The following TMPRSS11F variants were observed in gnomAD, a reference collection of about 807,000 sequenced individuals.
TMPRSS11F encodes transmembrane serine protease 11F.
A neutral mutation model predicts 60.2 loss-of-function variants in TMPRSS11F; 47 were observed. The ratio of observed to expected loss-of-function variants is 0.78; its 90% CI spans 0.62 to 1.00. The LOEUF (loss-of-function observed/expected upper bound fraction) is 1.00, where lower values mean the gene tolerates loss of function less well. Ranked by LOEUF, TMPRSS11F falls within the 50% of genes least tolerant of loss-of-function variation. TMPRSS11F has a pLI of 0.00. For synonymous variants in TMPRSS11F, 166 were observed against 167.3 expected (o/e 0.99, Z 0.06); for missense variants, 519 against 522.9 (o/e 0.99, Z 0.07).
At chr4:68,124,230 A>C (rs949839420) in intron 1 of TMPRSS11F, among the ~76,000 whole-genome samples, 6 of 151,888 alleles carry the variant, frequency 4.0e-5, no homozygotes, top group Admixed American at 6.6e-5. Flanking sequence ...TAAAAAAAAA[A>C]AAAAACAAAC....
chr4:68,093,655 A>G (rs1371993892), intron 2 of TMPRSS11F, among the ~76,000 whole-genome samples: 2 of 152,008 alleles, frequency 1.3e-5, no homozygotes, highest in Non-Finnish European at 2.9e-5. Flanking sequence ...CTCGTCTGAC[A>G]AAGGGCTAAT....
At chr4:68,113,241 C>T (rs971028738) in intron 1 of TMPRSS11F, among the ~76,000 whole-genome samples, 1 of 152,104 alleles carries the variant, frequency 6.6e-6, no homozygotes, top group East Asian at 1.9e-4. Context: ...GGAGAAAAGG[C>T]TATTCTTGTA....
chr4:68,099,149 G>A, intron 1 of TMPRSS11F, 111 bp from the exon 2 acceptor site: 2 of 899,962 alleles, frequency 2.2e-6, no homozygotes, highest in Non-Finnish European at 3.3e-6. Flanking sequence ...ATAACAGTGA[G>A]CAACTTAGAC....
intron 7 of TMPRSS11F, among the ~76,000 whole-genome samples, chr4:68,067,417 A>C (rs1020882340): frequency 6.6e-6 from 1 of 152,240 alleles, no homozygotes; most frequent in Admixed American, 6.5e-5. Flanking sequence ...GACCTGCTGA[A>C]ACAAGTATTT....
In TMPRSS11F at chr4:68,088,525, G is replaced by A. The variant is rs57762884; in HGVS notation, c.282+1998C>T. 9.0e-3 allele frequency among the ~76,000 whole-genome samples: 1,371 copies of A among 151,928 alleles called. 26 individuals are homozygous for A. The highest frequency in any genetic ancestry group is 0.031 in the African/African-American group (1,303 of 41,374). On this transcript the variant is annotated intron_variant, in intron 3 of 9. Coordinates refer to ENST00000356291, the MANE Select transcript of TMPRSS11F (RefSeq NM_207407.2). ...CAAGGATACCCAGGAATTGAACTCA[G>A]CTCTGCACCAAGCGGACCTAACAGA...
rs566858219 is a variant in TMPRSS11F at position 68,078,551 on chromosome 4, G to T, written c.283-4542C>A. Among the ~76,000 whole-genome samples, 14 of 152,270 alleles carry T rather than the reference G, an allele frequency of 9.2e-5. 1 individual carries two copies. Among genetic ancestry groups the T allele is most frequent in the African/African-American group, 3.1e-4 (13 of 41,550 alleles). ...ATATCCAATGTTCCACACATTGTCT[G>T]GCCCACAGTAAACACACAAGCCATG... On this transcript the variant is annotated intron_variant, in intron 3 of 9. Coordinates refer to ENST00000356291, the MANE Select transcript of TMPRSS11F (RefSeq NM_207407.2).
intron 1 of TMPRSS11F, among the ~76,000 whole-genome samples, chr4:68,119,228 A>G (rs1311506217): frequency 6.6e-6 from 1 of 152,030 alleles, no homozygotes; most frequent in African/African-American, 2.4e-5. Flanking sequence ...GAGGTGAGGA[A>G]GCTGCACAGA....
At chr4:68,081,328 T>C (rs1165027462) in intron 3 of TMPRSS11F, among the ~76,000 whole-genome samples, 2 of 152,242 alleles carry the variant, frequency 1.3e-5, no homozygotes, top group Non-Finnish European at 2.9e-5. Context: ...TATTATCTTT[T>C]TGGATTGTCC....
chr4:68,081,793 C>A (rs192033905), intron 3 of TMPRSS11F, among the ~76,000 whole-genome samples: 2 of 152,202 alleles, frequency 1.3e-5, no homozygotes, highest in East Asian at 1.9e-4. Context: ...ACACGTATGG[C>A]TTTCATATGG....
At chr4:68,076,392 C>T (rs376654129) in intron 3 of TMPRSS11F, among the ~76,000 whole-genome samples, 2 of 152,196 alleles carry the variant, frequency 1.3e-5, no homozygotes, top group Non-Finnish European at 2.9e-5. Context: ...GTCAAAACAT[C>T]CCCAACAGAG....
At chr4:68,065,693 A>G (rs529161027) in intron 7 of TMPRSS11F, among the ~76,000 whole-genome samples, 1 of 152,214 alleles carries the variant, frequency 6.6e-6, no homozygotes, top group East Asian at 1.9e-4. Context: ...GTGACTGGAA[A>G]TATATAGTAA....
chr4:68,114,314 T>C (rs1039622603), intron 1 of TMPRSS11F, among the ~76,000 whole-genome samples: 9 of 151,848 alleles, frequency 5.9e-5, no homozygotes, highest in African/African-American at 2.2e-4. Context: ...CAGTTCATTA[T>C]AAAGATATAT....
In TMPRSS11F at chr4:68,053,675, T is replaced by C. The variant is rs1722985018; in HGVS notation, c.*234A>G. ...AGGAAGTATCACAAGCAGTTTCCCT[T>C]GTGAGTAAGGAATAGGTGCTGTCTG... On this transcript the variant is annotated 3_prime_UTR_variant, in exon 10 of 10. Coordinates refer to ENST00000356291, the MANE Select transcript of TMPRSS11F (RefSeq NM_207407.2). The C allele has an allele frequency of 7.8e-6, 3 of 386,910 alleles. No individual in the cohort carries two copies. Among genetic ancestry groups the C allele is most frequent in the Non-Finnish European group, 1.4e-5 (3 of 217,548 alleles). 24.0% of individuals were successfully genotyped at this position (386,910 alleles called of 1,614,324 possible).
At chr4:68,079,464 T>C (rs1723650435) in intron 3 of TMPRSS11F, among the ~76,000 whole-genome samples, 1 of 152,178 alleles carries the variant, frequency 6.6e-6, no homozygotes, top group Non-Finnish European at 1.5e-5. Flanking sequence ...TTCCTGAATA[T>C]AAATCTCCTA....
chr4:68,088,671 A>G (rs987932571), intron 3 of TMPRSS11F, among the ~76,000 whole-genome samples: 6 of 152,322 alleles, frequency 3.9e-5, no homozygotes, highest in Admixed American at 3.9e-4. Context: ...AATGTAAAAT[A>G]ACAGAAATTA....
At chr4:68,098,399 T>C (rs1162928344) in intron 2 of TMPRSS11F, among the ~76,000 whole-genome samples, 1 of 152,216 alleles carries the variant, frequency 6.6e-6, no homozygotes, top group Non-Finnish European at 1.5e-5. Flanking sequence ...CTCTCCATTT[T>C]TGCATATATA....
chr4:68,122,292 T>C (rs925512015), intron 1 of TMPRSS11F, among the ~76,000 whole-genome samples: 1 of 152,182 alleles, frequency 6.6e-6, no homozygotes, highest in Non-Finnish European at 1.5e-5. Context: ...TGATAGACCC[T>C]ACTTTTATTT....
rs370927343 is a variant in TMPRSS11F, at chr4:68,069,180, G to A, written c.554-361C>T. Reference sequence around the variant, plus strand: ...GCCTTGAAGAGGGAACATTGCTGGCGGTCACCCAGCTGGTAAGTGACAGAG... The same window carrying A: ...GCCTTGAAGAGGGAACATTGCTGGCAGTCACCCAGCTGGTAAGTGACAGAG... On this transcript the variant is annotated intron_variant, in intron 6 of 9. Coordinates refer to ENST00000356291, the MANE Select transcript of TMPRSS11F (RefSeq NM_207407.2). Among the ~76,000 whole-genome samples the A allele has an allele frequency of 1.3e-3, 194 of 152,118 alleles. No homozygotes were observed. The South Asian group carries it at 0.024, about 19-fold the overall frequency.
intron 1 of TMPRSS11F, among the ~76,000 whole-genome samples, chr4:68,121,073 T>A (rs1466932534): frequency 6.6e-6 from 1 of 152,230 alleles, no homozygotes; most frequent in Non-Finnish European, 1.5e-5. Flanking sequence ...AGGGTGTGCA[T>A]GTATTAAGTC....
Sources: gnomAD v4.1 joint callset for allele counts (sites outside exome capture counted in the v4.1 genomes callset) on GRCh38, gnomAD v4.1.1 for gene constraint, MANE v1.5 for transcripts, NCBI Gene and HGNC (gene_info 2026-07-23, HGNC 2026-07-21) for gene names.